Variants in TTC29 observed in about 807,000 individuals in gnomAD.
TTC29 encodes the protein tetratricopeptide repeat protein 29.
A neutral mutation model predicts 58.1 loss-of-function variants in TTC29; 49 were observed. The ratio of observed to expected loss-of-function variants is 0.84; its 90% CI spans 0.67 to 1.07. The LOEUF (loss-of-function observed/expected upper bound fraction) is 1.07, where lower values mean the gene tolerates loss of function less well. TTC29 is among the 50% of genes least tolerant of loss of function. The pLI is 0.00. For missense variants in TTC29, 582 were observed against 555.6 expected, an observed-to-expected ratio of 1.05 and a Z score of -0.48; for synonymous variants, 209 against 196.8, an observed-to-expected ratio of 1.06 and a Z score of -0.52.
At chr4:146,724,163 G>A (rs184786470) in intron 11 of TTC29, among the ~76,000 whole-genome samples, 15 of 152,300 alleles carry the variant, frequency 9.8e-5, no homozygotes, top group Non-Finnish European at 2.1e-4. Flanking sequence ...ACAAGTAGGA[G>A]TTAAACATTG....
At chr4:146,890,160 C>A (rs530891021) in intron 6 of TTC29, among the ~76,000 whole-genome samples, 17 of 152,252 alleles carry the variant, frequency 1.1e-4, no homozygotes, top group Middle Eastern at 3.4e-3. Flanking sequence ...AATTTATGGT[C>A]TCACAGTTCT....
chr4:146,806,876 G>A (rs1261156449), intron 10 of TTC29, among the ~76,000 whole-genome samples: 1 of 152,028 alleles, frequency 6.6e-6, no homozygotes, highest in East Asian at 1.9e-4. Flanking sequence ...CTCAGCTGTG[G>A]ACCAAGCAGA....
At chr4:146,792,180 T>C (rs968416228) in intron 11 of TTC29, among the ~76,000 whole-genome samples, 2 of 152,190 alleles carry the variant, frequency 1.3e-5, no homozygotes, top group Non-Finnish European at 1.5e-5. Context: ...GAAGATGCTA[T>C]CTAGGGCTTC....
chr4:146,914,013 C>T (rs1178982954), intron 4 of TTC29, among the ~76,000 whole-genome samples: 2 of 152,060 alleles, frequency 1.3e-5, no homozygotes, highest in African/African-American at 4.8e-5. Context: ...CACACATGCG[C>T]ACATACCTAT....
intron 8 of TTC29, among the ~76,000 whole-genome samples, chr4:146,837,864 A>G (rs1158212952): frequency 6.6e-6 from 1 of 151,970 alleles, no homozygotes; most frequent in Admixed American, 6.6e-5. Context: ...GAATTTGTCT[A>G]TTTTTAAAGT....
At chr4:146,939,736 A>G in intron 3 of TTC29, 68 bp downstream of exon 3, 3 of 1,329,208 alleles carry the variant, frequency 2.3e-6, no homozygotes, top group African/African-American at 1.5e-5. Context: ...TCTGAGATAC[A>G]TTATTGACAT....
chr4:146,738,608 C>T (rs566140617), intron 11 of TTC29, among the ~76,000 whole-genome samples: 2 of 152,248 alleles, frequency 1.3e-5, no homozygotes, highest in East Asian at 3.9e-4. Flanking sequence ...TCATAACTCC[C>T]ATAGCCCTGT....
intron 11 of TTC29, among the ~76,000 whole-genome samples, chr4:146,774,992 T>A (rs1747985983): frequency 6.6e-6 from 1 of 152,120 alleles, no homozygotes; most frequent in Non-Finnish European, 1.5e-5. Flanking sequence ...AACCCTTTAC[T>A]ATTATATAAT....
chr4:146,787,907 T>TA (rs199670390), intron 11 of TTC29, among the ~76,000 whole-genome samples: 5 of 151,476 alleles, frequency 3.3e-5, no homozygotes, highest in Non-Finnish European at 7.4e-5. Context: ...CTTTTTTTTT[T>TA]ATTTGGAGTT....
chr4:146,737,682 G>A (rs1744825175), intron 11 of TTC29, among the ~76,000 whole-genome samples: 1 of 151,628 alleles, frequency 6.6e-6, no homozygotes, highest in African/African-American at 2.4e-5. Context: ...CAAATGCTCA[G>A]GGTGCCATTG....
At chr4:146,800,663 C>T (rs949017908) in intron 11 of TTC29, among the ~76,000 whole-genome samples, 2 of 152,154 alleles carry the variant, frequency 1.3e-5, no homozygotes, top group Non-Finnish European at 2.9e-5. Context: ...GGGGATACTA[C>T]ACATTTTGTT....
intron 11 of TTC29, among the ~76,000 whole-genome samples, chr4:146,800,509 C>T (rs977040436): frequency 5.3e-5 from 8 of 152,244 alleles, no homozygotes; most frequent in African/African-American, 1.7e-4. Context: ...AAGTTGAAAA[C>T]TTAAAAGCTG....
intron 11 of TTC29, among the ~76,000 whole-genome samples, chr4:146,798,716 T>A (rs979068285): frequency 4.0e-5 from 6 of 151,158 alleles, no homozygotes; most frequent in Admixed American, 2.6e-4. Context: ...TGAAACCCCG[T>A]CTCTACTAAA....
chr4:146,768,587 A>G (rs1747499790), intron 11 of TTC29, among the ~76,000 whole-genome samples: 1 of 152,004 alleles, frequency 6.6e-6, no homozygotes, highest in African/African-American at 2.4e-5. Flanking sequence ...CTCCATTAAC[A>G]CAACTAGGCT....
intron 8 of TTC29, among the ~76,000 whole-genome samples, chr4:146,856,601 A>G (rs28677960): frequency 0.011 from 1,694 of 151,658 alleles, 29 homozygotes; most frequent in African/African-American, 0.038. Flanking sequence ...TTTAAATGAC[A>G]AATACTGTAA....
chr4:146,808,542 T>A (rs1750782812), intron 10 of TTC29, among the ~76,000 whole-genome samples: 1 of 152,154 alleles, frequency 6.6e-6, no homozygotes, highest in African/African-American at 2.4e-5. Context: ...TTCAGCAAAG[T>A]CTCAGGATAC....
chr4:146,751,193 T>G (rs957084121), intron 11 of TTC29, among the ~76,000 whole-genome samples: 1 of 152,168 alleles, frequency 6.6e-6, no homozygotes, highest in South Asian at 2.1e-4. Flanking sequence ...GCACCCAACA[T>G]TGGAGCACCT....
chr4:146,733,000 A>T (rs1442197325), intron 11 of TTC29, among the ~76,000 whole-genome samples: 1 of 152,200 alleles, frequency 6.6e-6, no homozygotes, highest in Non-Finnish European at 1.5e-5. Context: ...GGCTTCAATT[A>T]GCACAAGGCA....
chr4:146,764,929 T>C (rs1747188171), intron 11 of TTC29, among the ~76,000 whole-genome samples: 1 of 152,174 alleles, frequency 6.6e-6, no homozygotes, highest in Admixed American at 6.6e-5. Context: ...TTTTCCATGA[T>C]GATCATCAGT....
Sources: gnomAD v4.1 joint callset for allele counts (sites outside exome capture counted in the v4.1 genomes callset) on GRCh38, gnomAD v4.1.1 for gene constraint, MANE v1.5 for transcripts, NCBI Gene and HGNC (gene_info 2026-07-23, HGNC 2026-07-21) for gene names.